NKAIN2: variants seen among roughly 807,000 people sequenced by gnomAD.
NKAIN2 encodes the protein sodium/potassium-transporting ATPase subunit beta-1-interacting protein 2.
NKAIN2 carries 14 observed loss-of-function variants against 32.6 expected under a neutral mutation model. The ratio of observed to expected loss-of-function variants is 0.43; its 90% CI spans 0.28 to 0.67. The LOEUF is 0.67. Ranked by LOEUF, NKAIN2 falls within the 30% of genes least tolerant of loss-of-function variation. NKAIN2 has a pLI of 0.17. For missense variants in NKAIN2, 198 were observed against 258.3 expected (o/e 0.77, Z 1.60); for synonymous variants, 80 against 87.2 (o/e 0.92, Z 0.46).
intron 4 of NKAIN2, among the ~76,000 whole-genome samples, chr6:124,742,226 C>T (rs1777247138): frequency 6.6e-6 from 1 of 151,754 alleles, no homozygotes; most frequent in African/African-American, 2.4e-5. Flanking sequence ...GATATGTCTC[C>T]AGAAAAGATT....
chr6:124,669,993 C>G (rs941044884), intron 4 of NKAIN2, among the ~76,000 whole-genome samples: 1 of 152,046 alleles, frequency 6.6e-6, no homozygotes, highest in African/African-American at 2.4e-5. Context: ...ATCATGCTGT[C>G]ATCTTCACTC....
At chr6:123,977,121 T>G (rs1778680519) in intron 1 of NKAIN2, among the ~76,000 whole-genome samples, 1 of 152,244 alleles carries the variant, frequency 6.6e-6, no homozygotes. Context: ...CACAGGCATG[T>G]GTGACCACAC....
rs143413066 is a variant in NKAIN2 at position 124,484,875 on chromosome 6, TA to T, written c.273+129529del. On this transcript the variant is annotated intron_variant, in intron 3 of 6. Transcript: ENST00000368417. ...TGCAGGACTTAGCATAAATGCCTGC[TA>T]TTGAAGTTCCCTACATAAGGTAGCT... Among the ~76,000 whole-genome samples the T allele has an allele frequency of 8.9e-3, 1,359 of 152,282 alleles. 17 individuals are homozygous for T. The highest frequency in any genetic ancestry group is 0.032 in the African/African-American group (1,310 of 41,540).
intron 1 of NKAIN2, among the ~76,000 whole-genome samples, chr6:123,983,626 C>A (rs1332644612): frequency 1.3e-5 from 2 of 152,064 alleles, no homozygotes; most frequent in Non-Finnish European, 2.9e-5. Flanking sequence ...GTCTAATACC[C>A]ACTATTTCCA....
At chr6:124,087,997 T>C (rs970017703) in intron 1 of NKAIN2, among the ~76,000 whole-genome samples, 1 of 152,018 alleles carries the variant, frequency 6.6e-6, no homozygotes, top group African/African-American at 2.4e-5. Flanking sequence ...GTGTTAATAC[T>C]ACGTTGCATT....
chr6:124,052,742 A>G (rs1350289861), intron 1 of NKAIN2, among the ~76,000 whole-genome samples: 1 of 152,114 alleles, frequency 6.6e-6, no homozygotes, highest in Non-Finnish European at 1.5e-5. Context: ...AAGGTATTCA[A>G]AGAGTGGTAG....
intron 3 of NKAIN2, among the ~76,000 whole-genome samples, chr6:124,433,907 T>C (rs938693745): frequency 6.6e-6 from 1 of 152,150 alleles, no homozygotes; most frequent in Non-Finnish European, 1.5e-5. Flanking sequence ...CTCCGGCTGG[T>C]GGTATATTCC....
intron 1 of NKAIN2, among the ~76,000 whole-genome samples, chr6:123,879,866 C>T (rs1028170233): frequency 3.9e-5 from 6 of 152,108 alleles, no homozygotes; most frequent in Non-Finnish European, 7.4e-5. Flanking sequence ...TGGCAGATGC[C>T]CTTATGACTC....
chr6:124,299,180 CACAGCAGCAGAA>C (rs1233881272), intron 2 of NKAIN2, among the ~76,000 whole-genome samples: 2 of 152,102 alleles, frequency 1.3e-5, no homozygotes, highest in Non-Finnish European at 1.5e-5. Flanking sequence ...AAGCAGCAGC[CACAGCAGCAGAA>C]ACAGCAGCAG....
intron 3 of NKAIN2, among the ~76,000 whole-genome samples, chr6:124,443,395 G>T (rs145486110): frequency 2.0e-5 from 3 of 152,250 alleles, no homozygotes; most frequent in Non-Finnish European, 4.4e-5. Flanking sequence ...GTATATTGGA[G>T]TAAGGCAATA....
At chr6:124,698,755 A>G (rs1774624062) in intron 4 of NKAIN2, among the ~76,000 whole-genome samples, 1 of 152,190 alleles carries the variant, frequency 6.6e-6, no homozygotes, top group Non-Finnish European at 1.5e-5. Flanking sequence ...GTCCAACTCC[A>G]AAGTTTCAGT....
intron 3 of NKAIN2, among the ~76,000 whole-genome samples, chr6:124,514,029 A>T: frequency 6.6e-6 from 1 of 152,196 alleles, no homozygotes; most frequent in East Asian, 1.9e-4. Context: ...TGTGAAGTGT[A>T]TGAAGAGAGA....
intron 1 of NKAIN2, among the ~76,000 whole-genome samples, chr6:124,110,624 C>T (rs1438737763): frequency 6.6e-6 from 1 of 152,044 alleles, no homozygotes; most frequent in East Asian, 1.9e-4. Flanking sequence ...TTAGCTCCCA[C>T]GTATCAGTAA....
intron 3 of NKAIN2, among the ~76,000 whole-genome samples, chr6:124,463,460 T>G (rs1776614906): frequency 6.6e-6 from 1 of 152,056 alleles, no homozygotes; most frequent in East Asian, 1.9e-4. Context: ...ATTGTATCAC[T>G]CCCACATTAT....
intron 2 of NKAIN2, among the ~76,000 whole-genome samples, chr6:124,325,294 A>T (rs1797366684): frequency 6.6e-6 from 1 of 152,110 alleles, no homozygotes; most frequent in African/African-American, 2.4e-5. Flanking sequence ...TTCATATTAT[A>T]TTGCTAGTGG....
chr6:123,910,313 CTTGA>C (rs1775105672), intron 1 of NKAIN2, among the ~76,000 whole-genome samples: 1 of 152,076 alleles, frequency 6.6e-6, no homozygotes, highest in African/African-American at 2.4e-5. Flanking sequence ...TAGCCATTGA[CTTGA>C]TTTTTACAAC....
At chr6:124,454,109 G>A (rs116377938) in intron 3 of NKAIN2, among the ~76,000 whole-genome samples, 20 of 135,856 alleles carry the variant, frequency 1.5e-4, no homozygotes, top group African/African-American at 4.2e-4. Context: ...TTTTTTTTGG[G>A]GGGGGGGGTT....
At chr6:123,949,239 G>A (rs367850156) in intron 1 of NKAIN2, among the ~76,000 whole-genome samples, 81 of 152,014 alleles carry the variant, frequency 5.3e-4, no homozygotes, top group African/African-American at 1.7e-3. Flanking sequence ...GTAGTGGGAG[G>A]CCTCCAGCTT....
At chr6:124,122,079 A>G (rs538501845) in intron 1 of NKAIN2, 1 of 205,874 alleles carries the variant, frequency 4.9e-6, no homozygotes, top group Admixed American at 5.4e-5. Context: ...TATTTTATGT[A>G]AATAATATGT....
Sources: allele counts gnomAD v4.1 joint callset (sites outside exome capture counted in the v4.1 genomes callset), GRCh38; gene constraint gnomAD v4.1.1; transcripts MANE v1.5; gene names NCBI Gene and HGNC (gene_info 2026-07-23, HGNC 2026-07-21).